CDH8: variants seen among roughly 807,000 people sequenced by gnomAD.
The protein encoded by CDH8 is cadherin-8.
A neutral mutation model predicts 68.1 loss-of-function variants in CDH8; 17 were observed. The observed-to-expected ratio is 0.25, with a 90% confidence interval of 0.17 to 0.37. CDH8 has a LOEUF of 0.37. CDH8 is among the 10% of genes least tolerant of loss of function. The pLI is 1.00. For missense variants in CDH8, 763 were observed against 999.3 expected, an observed-to-expected ratio of 0.76 and a Z score of 3.19; for synonymous variants, 372 against 365.1, an observed-to-expected ratio of 1.02 and a Z score of -0.21.
intron 2 of CDH8, among the ~76,000 whole-genome samples, chr16:61,973,360 C>G (rs186141120): frequency 7.2e-5 from 11 of 152,176 alleles, no homozygotes; most frequent in Non-Finnish European, 1.6e-4. Flanking sequence ...GTATGTAATA[C>G]CTATGACATA....
chr16:61,901,675 A>G (rs112269767), intron 2 of CDH8, among the ~76,000 whole-genome samples: 1 of 152,354 alleles, frequency 6.6e-6, no homozygotes, highest in Non-Finnish European at 1.5e-5. Context: ...AAGTTAGAAC[A>G]GTCCTTAAAA....
chr16:61,950,174 T>C (rs1964868806), intron 2 of CDH8, among the ~76,000 whole-genome samples: 1 of 152,120 alleles, frequency 6.6e-6, no homozygotes, highest in South Asian at 2.1e-4. Flanking sequence ...GAACACAATA[T>C]ACTCCCTGGT....
intron 2 of CDH8, among the ~76,000 whole-genome samples, chr16:61,993,612 T>G (rs1965763294): frequency 6.6e-6 from 1 of 152,126 alleles, no homozygotes; most frequent in Non-Finnish European, 1.5e-5. Flanking sequence ...GAATGTCAAA[T>G]AGTAATAAGA....
At chr16:61,671,488 C>T (rs1963793865) in intron 10 of CDH8, among the ~76,000 whole-genome samples, 1 of 151,076 alleles carries the variant, frequency 6.6e-6, no homozygotes, top group South Asian at 2.1e-4. Context: ...GGAAATGATG[C>T]AAGGAAATGT....
intron 4 of CDH8, among the ~76,000 whole-genome samples, chr16:61,847,327 A>G (rs1004006336): frequency 1.5e-4 from 23 of 151,930 alleles, no homozygotes; most frequent in Non-Finnish European, 1.3e-4. Flanking sequence ...CAAAAAGAGA[A>G]ATTATGGCCT....
intron 2 of CDH8, among the ~76,000 whole-genome samples, chr16:62,012,782 C>A (rs1372726672): frequency 6.6e-6 from 1 of 152,064 alleles, no homozygotes; most frequent in African/African-American, 2.4e-5. Context: ...TAATCTGAAT[C>A]AATGTCAGAA....
chr16:61,729,320 G>T (rs1265176303), intron 8 of CDH8, among the ~76,000 whole-genome samples: 1 of 150,946 alleles, frequency 6.6e-6, no homozygotes, highest in African/African-American at 2.4e-5. Context: ...GTGTATGAAG[G>T]TTACTAATTA....
At chr16:61,881,235 A>T (rs1014479567) in intron 3 of CDH8, among the ~76,000 whole-genome samples, 3 of 152,214 alleles carry the variant, frequency 2.0e-5, no homozygotes, top group Non-Finnish European at 4.4e-5. Flanking sequence ...GCTACACAGC[A>T]ATAAACAACT....
chr16:61,655,444 CG>C (rs1375278734), intron 11 of CDH8, 25 bp downstream of exon 11: 1 of 1,612,586 alleles, frequency 6.2e-7, no homozygotes, highest in Non-Finnish European at 8.5e-7. Flanking sequence ...AAAGGGTGAC[CG>C]GTAGGCTATG....
chr16:61,928,136 G>A (rs78416739), intron 2 of CDH8, among the ~76,000 whole-genome samples: 1,726 of 152,246 alleles, frequency 0.011, 35 homozygotes, highest in African/African-American at 0.039. Flanking sequence ...AGCACCTACT[G>A]TACCACTAAC....
chr16:61,776,072 T>G (rs1476968505), intron 8 of CDH8, among the ~76,000 whole-genome samples: 4 of 152,004 alleles, frequency 2.6e-5, no homozygotes, highest in African/African-American at 9.7e-5. Flanking sequence ...ATGTAAGAGT[T>G]GGCAAGCACC....
At chr16:61,983,599 T>A (rs1300661894) in intron 2 of CDH8, among the ~76,000 whole-genome samples, 3 of 152,254 alleles carry the variant, frequency 2.0e-5, no homozygotes, top group Non-Finnish European at 4.4e-5. Context: ...GCATCATCAC[T>A]TAACATTGTT....
intron 2 of CDH8, among the ~76,000 whole-genome samples, chr16:62,016,649 G>T (rs1219224906): frequency 6.6e-6 from 1 of 152,208 alleles, no homozygotes; most frequent in Non-Finnish European, 1.5e-5. Flanking sequence ...GGTACATGGA[G>T]ATGTGAATGC....
intron 8 of CDH8, among the ~76,000 whole-genome samples, chr16:61,756,778 C>A (rs1960331011): frequency 6.6e-6 from 1 of 151,932 alleles, no homozygotes; most frequent in African/African-American, 2.4e-5. Context: ...TGTTATTGAC[C>A]CTGGCATATG....
At chr16:61,741,354 G>A (rs1959867135) in intron 8 of CDH8, among the ~76,000 whole-genome samples, 1 of 151,966 alleles carries the variant, frequency 6.6e-6, no homozygotes, top group Non-Finnish European at 1.5e-5. Flanking sequence ...CTTTCTCTTA[G>A]TAGTATCATT....
chr16:61,934,606 G>A (rs907414265), intron 2 of CDH8, among the ~76,000 whole-genome samples: 9 of 152,092 alleles, frequency 5.9e-5, no homozygotes, highest in African/African-American at 2.2e-4. Flanking sequence ...GTAGGTGTCT[G>A]GTATGAAGCA....
intron 8 of CDH8, among the ~76,000 whole-genome samples, chr16:61,760,996 T>C (rs1417290793): frequency 6.6e-6 from 1 of 152,312 alleles, no homozygotes; most frequent in South Asian, 2.1e-4. Flanking sequence ...ATCTATAATT[T>C]ACTGAAAATT....
intron 8 of CDH8, among the ~76,000 whole-genome samples, chr16:61,754,154 CA>C (rs1960249384): frequency 6.6e-6 from 1 of 152,098 alleles, no homozygotes; most frequent in Non-Finnish European, 1.5e-5. Flanking sequence ...AGCTTCCACA[CA>C]AAAACTTATC....
intron 10 of CDH8, among the ~76,000 whole-genome samples, chr16:61,661,079 A>T (rs890267884): frequency 2.6e-5 from 4 of 152,054 alleles, no homozygotes; most frequent in African/African-American, 4.8e-5. Flanking sequence ...TTTACAAAGC[A>T]ATTGTATAAA....
Sources: gnomAD v4.1 joint callset for allele counts (sites outside exome capture counted in the v4.1 genomes callset) on GRCh38, gnomAD v4.1.1 for gene constraint, MANE v1.5 for transcripts, NCBI Gene and HGNC (gene_info 2026-07-23, HGNC 2026-07-21) for gene names.